The following BLK variants were observed in gnomAD, a reference collection of about 807,000 sequenced individuals.
BLK encodes BLK proto-oncogene, Src family tyrosine kinase.
In BLK, 64 loss-of-function variants were observed where a neutral mutation model predicts 61.8. That is an observed-to-expected ratio of 1.03 (90% CI 0.85 to 1.27). BLK has a LOEUF of 1.27. Among genes scored for constraint, BLK ranks in the 50% most tolerant of loss-of-function variants. BLK has a pLI of 0.00. For missense variants in BLK, 853 were observed against 660.5 expected (o/e 1.29, Z -3.19); for synonymous variants, 351 against 272.0 (o/e 1.29, Z -2.86).
At chr8:11,556,141 G>A (rs1364414201) in intron 8 of BLK, 2 of 225,976 alleles carry the variant, frequency 8.9e-6, no homozygotes, top group Non-Finnish European at 1.8e-5. Flanking sequence ...CTCTAGAAAA[G>A]CAAGTAGAGT....
chr8:11,554,254 C>T lies in BLK; in HGVS notation c.473-489C>T, dbSNP rs1444141758. 2.5e-5 allele frequency: 5 copies of T among 196,566 alleles called. No homozygotes were observed. The South Asian group carries it at 5.2e-4, about 20-fold the overall frequency. 12.2% of individuals were successfully genotyped at this position (196,566 alleles called of 1,614,324 possible). Reference sequence around the variant, plus strand: ...GTAACAGGCAGCAAATGACTTTGAACAGAGCCCCTGGGCATAGCTTATTAC... The same window carrying T: ...GTAACAGGCAGCAAATGACTTTGAATAGAGCCCCTGGGCATAGCTTATTAC... On this transcript the variant is annotated intron_variant, in intron 6 of 12. Transcript: ENST00000259089.
intron 1 of BLK, among the ~76,000 whole-genome samples, chr8:11,511,892 A>T (rs1314436285): frequency 1.3e-5 from 2 of 152,194 alleles, no homozygotes; most frequent in Non-Finnish European, 2.9e-5. Flanking sequence ...TGTCTTGGTA[A>T]ATGAAACTAT....
intron 1 of BLK, among the ~76,000 whole-genome samples, chr8:11,517,300 G>A (rs578191819): frequency 6.6e-6 from 1 of 152,370 alleles, no homozygotes; most frequent in Non-Finnish European, 1.5e-5. Flanking sequence ...CAGAATACGA[G>A]AGAAAGAGCA....
At chr8:11,561,560 G>T in intron 11 of BLK, 108 bp downstream of exon 11, 1 of 1,401,060 alleles carries the variant, frequency 7.1e-7, no homozygotes, top group Non-Finnish European at 9.9e-7. Context: ...GACACCTGAG[G>T]GCTATACGGT....
At chr8:11,555,796 C>T in intron 8 of BLK, 1 of 434,648 alleles carries the variant, frequency 2.3e-6, no homozygotes, top group African/African-American at 2.0e-5. Flanking sequence ...GCGTTAACTC[C>T]CCTTAGCTTT....
At chr8:11,507,467 G>A (rs1667715182) in intron 1 of BLK, among the ~76,000 whole-genome samples, 1 of 152,140 alleles carries the variant, frequency 6.6e-6, no homozygotes, top group South Asian at 2.1e-4. Context: ...CCAACTGCAG[G>A]GGAAGACACC....
At chr8:11,496,745 C>G (rs991131585) in intron 1 of BLK, among the ~76,000 whole-genome samples, 1 of 152,202 alleles carries the variant, frequency 6.6e-6, no homozygotes, top group African/African-American at 2.4e-5. Context: ...TGGGGGAGTA[C>G]AGAATTCCAG....
At chr8:11,508,351 G>A (rs535619977) in intron 1 of BLK, among the ~76,000 whole-genome samples, 85 of 152,308 alleles carry the variant, frequency 5.6e-4, no homozygotes, top group Middle Eastern at 3.4e-3. Context: ...CACATGGGGC[G>A]CGTGCTAGGT....
At chr8:11,537,206 T>G (rs759040216) in intron 1 of BLK, among the ~76,000 whole-genome samples, 1 of 152,192 alleles carries the variant, frequency 6.6e-6, no homozygotes, top group East Asian at 1.9e-4. Context: ...TTCAGAGCCA[T>G]AGGCCAATCA....
intron 1 of BLK, 93 bp from the exon 2 acceptor site, chr8:11,543,131 C>G (rs1310479926): frequency 6.3e-7 from 1 of 1,598,378 alleles, no homozygotes; most frequent in Non-Finnish European, 8.5e-7. Flanking sequence ...ACCTTTCTAA[C>G]CAGCCTCCCG....
At chr8:11,519,780 G>A (rs1267325079) in intron 1 of BLK, among the ~76,000 whole-genome samples, 2 of 152,202 alleles carry the variant, frequency 1.3e-5, no homozygotes, top group African/African-American at 4.8e-5. Context: ...TTTGAATCCA[G>A]AGCCTCTCAC....
chr8:11,515,349 G>C (rs777055510), intron 1 of BLK, among the ~76,000 whole-genome samples: 169 of 152,210 alleles, frequency 1.1e-3, no homozygotes, highest in African/African-American at 3.8e-3. Context: ...TCTGGAAGCC[G>C]GCCTCCTGGG....
intron 4 of BLK, among the ~76,000 whole-genome samples, chr8:11,548,502 C>CA (rs1451501764): frequency 4.7e-4 from 71 of 152,156 alleles, no homozygotes; most frequent in Non-Finnish European, 1.2e-4. Context: ...AAGACAGGAG[C>CA]CCACACTGAT....
At position 11,563,854 on chromosome 8, in the gene BLK, A is replaced by G. The variant is rs781702096; in HGVS notation, c.1313-49A>G. The G allele has an allele frequency of 4.6e-6, 7 of 1,537,266 alleles. No individual in the cohort carries two copies. The Admixed American group carries it at 1.3e-4, about 28-fold the overall frequency. On this transcript the variant is annotated intron_variant, in intron 12 of 12. Transcript: ENST00000259089. Reference sequence around the variant, plus strand: ...GCGGGACGCTCAGGGCCCCCCACCCACCGAGGACCCCAGCCCCTCACCCCC... The same window carrying G: ...GCGGGACGCTCAGGGCCCCCCACCCGCCGAGGACCCCAGCCCCTCACCCCC...
chr8:11,506,358 G>T (rs1798769057), intron 1 of BLK, among the ~76,000 whole-genome samples: 1 of 152,110 alleles, frequency 6.6e-6, no homozygotes, highest in Non-Finnish European at 1.5e-5. Context: ...TAGAAAAAAA[G>T]AAAACAACAG....
chr8:11,521,176 T>C (rs899574063), intron 1 of BLK, among the ~76,000 whole-genome samples: 1 of 152,234 alleles, frequency 6.6e-6, no homozygotes, highest in Non-Finnish European at 1.5e-5. Flanking sequence ...GAAAAATGGC[T>C]TTTAAAAAAT....
chr8:11,554,989 G>A lies in BLK; in HGVS notation c.619+100G>A. 2.0e-6 allele frequency: 3 copies of A among 1,512,364 alleles called. No individual in the cohort carries two copies. The South Asian group carries it at 3.6e-5, about 18-fold the overall frequency. 93.7% of individuals were successfully genotyped at this position (1,512,364 alleles called of 1,614,324 possible). Reference sequence around the variant, plus strand: ...TGTGAGTCATTGGTGCCACCTTGGGGGATGGAAAGATTATCCCAAAGTTAG... The same window carrying A: ...TGTGAGTCATTGGTGCCACCTTGGGAGATGGAAAGATTATCCCAAAGTTAG... On this transcript the variant is annotated intron_variant, in intron 7 of 12. Coordinates refer to ENST00000259089, the MANE Select transcript of BLK (RefSeq NM_001715.3).
chr8:11,525,708 C>G (rs988388062), intron 1 of BLK, among the ~76,000 whole-genome samples: 1 of 152,134 alleles, frequency 6.6e-6, no homozygotes, highest in Non-Finnish European at 1.5e-5. Context: ...ACTCATGTGC[C>G]CTCCTCAGAA....
intron 1 of BLK, among the ~76,000 whole-genome samples, chr8:11,518,911 C>G (rs902899752): frequency 3.2e-4 from 49 of 152,318 alleles, no homozygotes; most frequent in Non-Finnish European, 6.5e-4. Context: ...CTCCTTGCCA[C>G]TGAAGACTCC....
Sources: allele counts gnomAD v4.1 joint callset (sites outside exome capture counted in the v4.1 genomes callset), GRCh38; gene constraint gnomAD v4.1.1; transcripts MANE v1.5; gene names NCBI Gene and HGNC (gene_info 2026-07-23, HGNC 2026-07-21).